Variants in BCORL1 observed in about 807,000 individuals in gnomAD.
The protein encoded by BCORL1 is BCL6 corepressor like 1, also known as BCL-6 corepressor-like protein 1.
BCORL1 carries 7 observed loss-of-function variants against 87.6 expected under a neutral mutation model. The ratio of observed to expected loss-of-function variants is 0.08; its 90% CI spans 0.05 to 0.15. BCORL1 has a LOEUF of 0.15. Among genes scored for constraint, BCORL1 ranks in the 10% least tolerant of loss-of-function variants. The pLI, the probability that BCORL1 is intolerant of heterozygous loss-of-function variation, is 1.00. For missense variants in BCORL1, 1,215 were observed against 1,499.7 expected (o/e 0.81, Z 3.13); for synonymous variants, 591 against 634.4 (o/e 0.93, Z 1.03).
At chrX:130,017,861 C>T (rs777050282) in intron 4 of BCORL1, among the ~76,000 whole-genome samples, 3 of 111,179 alleles carry the variant, frequency 2.7e-5, no homozygotes, top group Non-Finnish European at 3.8e-5. Flanking sequence ...GTCTCGGACT[C>T]CTGGGCTGAA....
chrX:130,034,139 C>T (rs753848483), intron 8 of BCORL1, among the ~76,000 whole-genome samples: 2 of 112,040 alleles, frequency 1.8e-5, no homozygotes, highest in South Asian at 3.7e-4. Flanking sequence ...GATATCCCCT[C>T]AATCTCTGAT....
intron 9 of BCORL1, among the ~76,000 whole-genome samples, chrX:130,036,625 G>T (rs1013821615): frequency 2.0e-4 from 23 of 112,444 alleles, no homozygotes; most frequent in African/African-American, 7.4e-4. Context: ...CATTGGTCCT[G>T]CCGAGACGTG....
intron 11 of BCORL1, among the ~76,000 whole-genome samples, chrX:130,049,993 G>A (rs1931976614): frequency 9.0e-6 from 1 of 111,454 alleles, no homozygotes; most frequent in East Asian, 2.8e-4. Context: ...GTGGCGAATT[G>A]GAGCCCAGCC....
In BCORL1 at chrX:130,052,028, A is replaced by G; in HGVS notation, c.5075+12A>G. 2 of 1,174,786 alleles carry G rather than the reference A, an allele frequency of 1.7e-6. No individual in the cohort carries two copies. Among genetic ancestry groups the G allele is most frequent in the South Asian group, 3.9e-5 (2 of 50,916 alleles). ...TCAGTGTCCCGCGGGTAAGTGTCCG[A>G]GAGATCCACGGTGACTGAGTGTCAG... On this transcript the variant is annotated intron_variant, in intron 13 of 13. Coordinates refer to ENST00000540052, the MANE Select transcript of BCORL1 (RefSeq NM_001379451.1).
chrX:130,052,627 C>T (rs993084488), intron 13 of BCORL1, among the ~76,000 whole-genome samples: 2 of 112,147 alleles, frequency 1.8e-5, no homozygotes, highest in African/African-American at 6.5e-5. Flanking sequence ...GGAGGGAGTT[C>T]GACAGCCGGC....
At chrX:130,007,772 G>A (rs1266283654) in intron 2 of BCORL1, among the ~76,000 whole-genome samples, 3 of 111,104 alleles carry the variant, frequency 2.7e-5, no homozygotes, top group Non-Finnish European at 5.7e-5. Context: ...CACTCCAACC[G>A]GGGTGACAGA....
chrX:130,037,257 A>C lies in BCORL1; in HGVS notation c.4528-110A>C, dbSNP rs753815056. 182 of 794,522 alleles carry C rather than the reference A, an allele frequency of 2.3e-4. 1 individual carries two copies. The South Asian group carries it at 3.1e-3, about 13-fold the overall frequency. 65.5% of individuals were successfully genotyped at this position (794,522 alleles called of 1,213,427 possible). A position where few individuals can be genotyped will look rare whatever the true frequency, so the allele number is the denominator to read the frequency against. ...ATTTTGAAGTGTGTCCCTGCTATAA[A>C]GGGCAGGCTCTGAGACTCCTCAGAT... is the stretch of plus-strand genomic sequence containing the variant. On this transcript the variant is annotated intron_variant, in intron 9 of 13. Coordinates refer to ENST00000540052, the MANE Select transcript of BCORL1 (RefSeq NM_001379451.1).
rs1193863656 is a variant in BCORL1, at chrX:130,014,508, A to C, written c.1736A>C (p.His579Pro). 1 of 1,210,454 alleles carries C rather than the reference A, an allele frequency of 8.3e-7. No homozygotes were observed. The highest frequency in any genetic ancestry group is 2.2e-5 in the Admixed American group (1 of 45,904). ...PAPSGSSAPP[H>P]PAKMPSGTEQ... The stretch of plus-strand genomic sequence containing the variant: ...CCCAGTGGGAGCTCAGCCCCACCGC[A>C]CCCCGCCAAGATGCCCAGTGGCACC... The change falls in exon 4 of 14, where the codon CAC (histidine) becomes CCC (proline). Residue 579 changes from histidine to proline, a missense_variant. Transcript: ENST00000540052.
intron 1 of BCORL1, among the ~76,000 whole-genome samples, chrX:129,990,447 G>A (rs752667534): frequency 1.5e-4 from 16 of 109,465 alleles, no homozygotes; most frequent in Non-Finnish European, 2.3e-4. Flanking sequence ...TAGCCAGGAT[G>A]GTCTCAATCT....
rs779301449 is a variant in BCORL1 at position 130,031,497 on chromosome X, A to C, written c.4305+2636A>C. 3.6e-3 allele frequency among the ~76,000 whole-genome samples: 407 copies of C among 112,330 alleles called. 3 individuals carry two copies. Among genetic ancestry groups the C allele is most frequent in the African/African-American group, 0.012 (382 of 30,932 alleles). On this transcript the variant is annotated intron_variant, in intron 8 of 13. Transcript: ENST00000540052. ...CAGGTCAACAAATATTTGTTGTAAT[A>C]ATGTGGCCAGGCGCGGTGGCTCACG...
At chrX:130,054,413 C>T (rs972648631) in intron 13 of BCORL1, among the ~76,000 whole-genome samples, 1 of 111,144 alleles carries the variant, frequency 9.0e-6, no homozygotes, top group East Asian at 2.8e-4. Flanking sequence ...ACAGTATCTA[C>T]CTGAGCTGGG....
At chrX:130,019,106 A>T (rs1206358587) in intron 4 of BCORL1, among the ~76,000 whole-genome samples, 1 of 112,122 alleles carries the variant, frequency 8.9e-6, no homozygotes, top group East Asian at 2.8e-4. Flanking sequence ...ATATTTCAAA[A>T]CTGTTAACCA....
chrX:130,011,087 C>T (rs1928917898), intron 2 of BCORL1, among the ~76,000 whole-genome samples: 3 of 106,702 alleles, frequency 2.8e-5, no homozygotes, highest in Non-Finnish European at 3.9e-5. Context: ...CAGTGTATTT[C>T]CCCAGGGGCA....
intron 8 of BCORL1, among the ~76,000 whole-genome samples, chrX:130,029,459 A>C (rs1351879867): frequency 9.0e-6 from 1 of 111,291 alleles, no homozygotes; most frequent in African/African-American, 3.3e-5. Context: ...TCTGATGTTC[A>C]TGCCATTGGT....
At position 130,056,026 on chromosome X, in the gene BCORL1, G is replaced by A; in HGVS notation, c.5248G>A (p.Asp1750Asn). 3.3e-6 allele frequency: 4 copies of A among 1,212,198 alleles called. No homozygotes were observed. The highest frequency in any genetic ancestry group is 4.5e-6 in the Non-Finnish European group (4 of 895,595). The stretch of plus-strand genomic sequence containing the variant: ...CCCTGCCGAGAGGCCTGGAGGCTTG[G>A]ACGACAGATCCCCCCCAGGCTCCTC... ...LTPAERPGGL[D>N]DRSPPGSSET... is the part of the protein sequence containing the mutation. Residue 1750 changes from aspartate to asparagine, a missense_variant, in exon 14 of 14, where the codon GAC becomes AAC. Physicochemically the swap from Asp to Asn is conservative, Grantham distance 23 (BLOSUM62 1). This residue lies in a region of BCORL1 where 129 missense variants were observed against 157.5 expected (regional missense o/e 0.82). Transcript: ENST00000540052.
At chrX:130,048,337 C>T (rs758557541) in intron 11 of BCORL1, among the ~76,000 whole-genome samples, 1 of 112,105 alleles carries the variant, frequency 8.9e-6, no homozygotes, top group Non-Finnish European at 1.9e-5. Context: ...CTCACCTCAC[C>T]TGTGCCCTTT....
chrX:130,006,995 G>A (rs1928562962), intron 2 of BCORL1, among the ~76,000 whole-genome samples: 1 of 111,998 alleles, frequency 8.9e-6, no homozygotes, highest in Non-Finnish European at 1.9e-5. Context: ...AGAACAATAT[G>A]GCTTTCCCTG....
chrX:129,984,325 C>T (rs1486657605), intron 1 of BCORL1, among the ~76,000 whole-genome samples: 2 of 62,302 alleles, frequency 3.2e-5, no homozygotes, highest in African/African-American at 6.2e-5. Context: ...AGGGGGCCGT[C>T]CTGGGGGCGG....
At chrX:129,994,928 T>A (rs1347268238) in intron 1 of BCORL1, among the ~76,000 whole-genome samples, 2 of 111,653 alleles carry the variant, frequency 1.8e-5, no homozygotes, top group African/African-American at 6.5e-5. Context: ...TCTAGTTGAT[T>A]TTGTGTGTGC....
Sources: gnomAD v4.1 joint callset for allele counts (sites outside exome capture counted in the v4.1 genomes callset) on GRCh38, gnomAD v4.1.1 for gene constraint, gnomAD v4.1.1 regional missense constraint, MANE v1.5 for transcripts, NCBI Gene and HGNC (gene_info 2026-07-23, HGNC 2026-07-21) for gene names.